The following PHACTR3 variants were observed in gnomAD, a reference collection of about 807,000 sequenced individuals.
PHACTR3 encodes the protein phosphatase and actin regulator 3.
In PHACTR3, 16 loss-of-function variants were observed where a neutral mutation model predicts 66.8. The ratio of observed to expected loss-of-function variants is 0.24; its 90% CI spans 0.16 to 0.36. PHACTR3 has a LOEUF of 0.36. Among genes scored for constraint, PHACTR3 ranks in the 10% least tolerant of loss-of-function variants. The pLI, the probability that PHACTR3 is intolerant of heterozygous loss-of-function variation, is 1.00. For synonymous variants in PHACTR3, 323 were observed against 292.1 expected, an observed-to-expected ratio of 1.11 and a Z score of -1.08; for missense variants, 647 against 719.9, an observed-to-expected ratio of 0.90 and a Z score of 1.16.
intron 7 of PHACTR3, among the ~76,000 whole-genome samples, chr20:59,785,337 C>T (rs2040868549): frequency 6.6e-6 from 1 of 152,158 alleles, no homozygotes; most frequent in Non-Finnish European, 1.5e-5. Context: ...CAGGGCCCCG[C>T]TCTTGCAACC....
chr20:59,598,123 C>T (rs1353540495), intron 1 of PHACTR3, among the ~76,000 whole-genome samples: 1 of 152,152 alleles, frequency 6.6e-6, no homozygotes, highest in Non-Finnish European at 1.5e-5. Context: ...AGTGGGGCTG[C>T]TTTCTGCCTT....
In PHACTR3 at chr20:59,838,153, A is replaced by G. The variant is rs544236869; in HGVS notation, c.1384+1593A>G. On this transcript the variant is annotated intron_variant, in intron 9 of 12. Coordinates refer to ENST00000371015, the MANE Select transcript of PHACTR3 (RefSeq NM_080672.5). ...AATGTAGGTTTGTCCTTAGCTCGGA[A>G]GCCCTCTCTAGTGTCCTGAGTGGAA... Among the ~76,000 whole-genome samples the G allele has an allele frequency of 5.8e-4, 89 of 152,262 alleles. 1 individual carries two copies. The South Asian group carries it at 0.018, about 31-fold the overall frequency.
upstream of PHACTR3, among the ~76,000 whole-genome samples, chr20:59,604,236 G>A (rs2033575759): frequency 1.3e-5 from 2 of 152,184 alleles, no homozygotes; most frequent in Admixed American, 1.3e-4. Flanking sequence ...GAAGGACCAG[G>A]GAAACCAGCT....
intron 1 of PHACTR3, among the ~76,000 whole-genome samples, chr20:59,678,439 G>A (rs757338846): frequency 1.6e-4 from 24 of 152,270 alleles, no homozygotes; most frequent in Non-Finnish European, 3.1e-4. Flanking sequence ...ATGACATATG[G>A]ATGGGAGTGC....
At chr20:59,792,193 G>T (rs2041124477) in intron 7 of PHACTR3, among the ~76,000 whole-genome samples, 1 of 152,170 alleles carries the variant, frequency 6.6e-6, no homozygotes, top group South Asian at 2.1e-4. Flanking sequence ...CAAATGAGGG[G>T]CCTTGGAAGC....
At chr20:59,720,143 GCACAGTGCTATC>G (rs1044995347) in intron 1 of PHACTR3, among the ~76,000 whole-genome samples, 1 of 152,132 alleles carries the variant, frequency 6.6e-6, no homozygotes, top group Non-Finnish European at 1.5e-5. Context: ...TTGCGGTGTG[GCACAGTGCTATC>G]TTGAAGACCA....
At chr20:59,627,084 G>A (rs1328234327) in intron 1 of PHACTR3, 2 of 152,262 alleles carry the variant, frequency 1.3e-5, no homozygotes, top group Admixed American at 1.3e-4. Flanking sequence ...TCAAAGTGCA[G>A]CCAGGACATG....
chr20:59,780,327 C>A (rs2040682507), intron 7 of PHACTR3, among the ~76,000 whole-genome samples: 1 of 152,230 alleles, frequency 6.6e-6, no homozygotes, highest in Non-Finnish European at 1.5e-5. Context: ...TTTGAGCTGT[C>A]ATAACAAAAT....
chr20:59,593,798 A>C (rs1376520020), intron 1 of PHACTR3, among the ~76,000 whole-genome samples: 3 of 152,208 alleles, frequency 2.0e-5, no homozygotes, highest in Admixed American at 2.0e-4. Context: ...CTTTGTCAAA[A>C]ATCAGTTGAC....
chr20:59,656,251 G>A (rs961906921), intron 1 of PHACTR3, among the ~76,000 whole-genome samples: 4 of 151,812 alleles, frequency 2.6e-5, no homozygotes, highest in African/African-American at 9.7e-5. Context: ...GGATATTGAA[G>A]TCTCCGATTT....
intron 8 of PHACTR3, among the ~76,000 whole-genome samples, chr20:59,833,570 C>T (rs768199112): frequency 3.9e-5 from 6 of 152,014 alleles, no homozygotes; most frequent in Non-Finnish European, 8.8e-5. Context: ...AAGCCTTGTT[C>T]GGGGGCCATG....
At chr20:59,845,110 T>A in intron 11 of PHACTR3, 79 bp from the exon 12 acceptor site, 1 of 892,086 alleles carries the variant, frequency 1.1e-6, no homozygotes. Context: ...GGATTAGGAA[T>A]GGTTAATTTA....
chr20:59,842,703 C>G (rs1236812198), intron 11 of PHACTR3, among the ~76,000 whole-genome samples: 1 of 152,080 alleles, frequency 6.6e-6, no homozygotes, highest in African/African-American at 2.4e-5. Context: ...TTATAAAATT[C>G]CAAGTTCACC....
At chr20:59,693,232 C>G (rs2037174201) in intron 1 of PHACTR3, among the ~76,000 whole-genome samples, 1 of 152,178 alleles carries the variant, frequency 6.6e-6, no homozygotes, top group Non-Finnish European at 1.5e-5. Flanking sequence ...CCTCATCCTC[C>G]AAGATCCTGT....
At chr20:59,793,041 C>T (rs1325998160) in intron 7 of PHACTR3, among the ~76,000 whole-genome samples, 2 of 107,768 alleles carry the variant, frequency 1.9e-5, no homozygotes, top group African/African-American at 3.7e-5. Context: ...TGTACCACCA[C>T]ACCCAGTTAA....
intron 2 of PHACTR3, among the ~76,000 whole-genome samples, chr20:59,747,353 G>T (rs768856501): frequency 1.3e-5 from 2 of 152,344 alleles, no homozygotes; most frequent in South Asian, 4.1e-4. Context: ...TCGCAAAGGC[G>T]AACAGGAACC....
intron 4 of PHACTR3, among the ~76,000 whole-genome samples, chr20:59,763,019 C>T (rs974044421): frequency 6.6e-6 from 1 of 152,132 alleles, no homozygotes; most frequent in African/African-American, 2.4e-5. Flanking sequence ...TATGGTTTCG[C>T]TGTGTCCCCA....
chr20:59,619,217 A>T (rs911274065), intron 1 of PHACTR3, among the ~76,000 whole-genome samples: 2 of 152,196 alleles, frequency 1.3e-5, no homozygotes, highest in African/African-American at 2.4e-5. Context: ...TTATATGCAC[A>T]GGAGACTTTA....
intron 1 of PHACTR3, among the ~76,000 whole-genome samples, chr20:59,688,132 A>AT (rs1481519464): frequency 1.3e-5 from 2 of 152,142 alleles, no homozygotes; most frequent in Non-Finnish European, 2.9e-5. Flanking sequence ...ATTGATTCTG[A>AT]TTTTCCTATT....
Sources: allele counts gnomAD v4.1 joint callset (sites outside exome capture counted in the v4.1 genomes callset), GRCh38; gene constraint gnomAD v4.1.1; transcripts MANE v1.5; gene names NCBI Gene and HGNC (gene_info 2026-07-23, HGNC 2026-07-21).